Variants in NMT1 observed in about 807,000 individuals in gnomAD.
NMT1 encodes N-myristoyltransferase 1.
A neutral mutation model predicts 63.4 loss-of-function variants in NMT1; 12 were observed. The observed-to-expected ratio is 0.19, with a 90% CI of 0.12 to 0.31. The LOEUF is 0.31. Ranked by LOEUF, NMT1 falls within the 10% of genes least tolerant of loss-of-function variation. NMT1 has a pLI of 1.00. For missense variants in NMT1, 432 were observed against 634.6 expected (o/e 0.68, Z 3.43); for synonymous variants, 228 against 234.3 (o/e 0.97, Z 0.25).
intron 1 of NMT1, among the ~76,000 whole-genome samples, chr17:45,068,091 A>G (rs1034293854): frequency 6.6e-6 from 1 of 152,220 alleles, no homozygotes; most frequent in Non-Finnish European, 1.5e-5. Flanking sequence ...CCTCTCTTCC[A>G]ATTCCTCAAA....
chr17:45,096,228 A>C lies in NMT1; in HGVS notation c.539A>C (p.Tyr180Ser). 1.2e-6 allele frequency: 2 copies of C among 1,614,098 alleles called. No individual in the cohort carries two copies. Among genetic ancestry groups the C allele is most frequent in the Non-Finnish European group, 1.7e-6 (2 of 1,179,922 alleles). ...KELYTLLNENYVEDDDNMFRF... is the reference protein window; with the variant it reads ...KELYTLLNENSVEDDDNMFRF... ...CTGTACACCCTCCTGAATGAGAACT[A>C]TGTGGAAGATGATGACAACATGTTC... The change falls in exon 5 of 12, where the codon TAT becomes TCT. Residue 180 changes from tyrosine to serine, a missense_variant. Physicochemically the swap from Tyr to Ser is moderately radical, Grantham distance 144. This residue lies in a region of NMT1 where 295 missense variants were observed against 489.7 expected (regional missense o/e 0.60). Transcript: ENST00000258960.
rs1465762749 is a variant in NMT1 at position 45,104,496 on chromosome 17, G to C, written c.1333-363G>C. The C allele has an allele frequency of 3.6e-6, 4 of 1,110,226 alleles. No individual in the cohort carries two copies. In the East Asian group the frequency reaches 1.9e-4, roughly 52 times the overall value. The allele number at this position is 1,110,226 out of a possible 1,614,324, so 68.8% of individuals were successfully genotyped here. On this transcript the variant is annotated intron_variant, in intron 10 of 11. Transcript: ENST00000258960. The surrounding 1 kb of genome is among the most constrained non-coding windows in gnomAD (Gnocchi z 4.2). The stretch of plus-strand genomic sequence containing the variant: ...AGTAAGGAAGCAACACAAACCCCAT[G>C]TAGCTGACCAGAGCCAGCTTCTCAG...
chr17:45,084,234 T>G (rs2054036155), intron 2 of NMT1, among the ~76,000 whole-genome samples: 1 of 152,152 alleles, frequency 6.6e-6, no homozygotes, highest in Admixed American at 6.5e-5. Context: ...AGAAAAAATG[T>G]GTAATCAGTA....
intron 8 of NMT1, among the ~76,000 whole-genome samples, chr17:45,100,894 A>G (rs917165545): frequency 1.7e-5 from 2 of 118,114 alleles, no homozygotes; most frequent in South Asian, 2.7e-4. Flanking sequence ...AAAAAAAAAA[A>G]AAGAAGGCCA....
intron 1 of NMT1, among the ~76,000 whole-genome samples, chr17:45,069,083 C>T (rs1299795399): frequency 2.0e-5 from 3 of 151,766 alleles, no homozygotes; most frequent in Non-Finnish European, 4.4e-5. Flanking sequence ...GCGTCAGCCT[C>T]CTAAGTAGCT....
At chr17:45,094,486 C>T (rs538274978) in intron 4 of NMT1, among the ~76,000 whole-genome samples, 6 of 140,622 alleles carry the variant, frequency 4.3e-5, no homozygotes, top group Non-Finnish European at 7.7e-5. Flanking sequence ...GTGCGAGACT[C>T]TTTGTCTCAA....
chr17:45,099,606 A>T, intron 8 of NMT1, 93 bp downstream of exon 8: 1 of 876,922 alleles, frequency 1.1e-6, no homozygotes, highest in Non-Finnish European at 1.9e-6. Context: ...GTGGAGAGGG[A>T]GCTTTCTCCT....
At chr17:45,097,711 C>G (rs2054135255) in intron 6 of NMT1, among the ~76,000 whole-genome samples, 1 of 152,066 alleles carries the variant, frequency 6.6e-6, no homozygotes, top group Non-Finnish European at 1.5e-5. Flanking sequence ...GTGGTGCGAT[C>G]TTGGTTCACT....
At chr17:45,068,563 A>G (rs2053917817) in intron 1 of NMT1, among the ~76,000 whole-genome samples, 1 of 152,220 alleles carries the variant, frequency 6.6e-6, no homozygotes, top group African/African-American at 2.4e-5. Flanking sequence ...AAATGTTACT[A>G]TTATTACTAC....
chr17:45,105,789 G>C lies in NMT1; in HGVS notation c.*150G>C. 1.4e-6 allele frequency: 1 copy of C among 715,046 alleles called. No homozygotes were observed. Among genetic ancestry groups the C allele is most frequent in the Non-Finnish European group, 2.3e-6 (1 of 435,360 alleles). The allele number at this position is 715,046 out of a possible 1,614,324, so 44.3% of individuals were successfully genotyped here. A position where few individuals can be genotyped will look rare whatever the true frequency, so the allele number is the denominator to read the frequency against. On this transcript the variant is annotated 3_prime_UTR_variant, in exon 12 of 12. Coordinates refer to ENST00000258960, the MANE Select transcript of NMT1 (RefSeq NM_021079.5). This position sits in a 1 kb window ranked among gnomAD's most constrained non-coding sequence, Gnocchi z 4.2. ...GCTTTACCAAACCGCCAGCGAACTT[G>C]ACAATTGTATTGCGATGGCGTGGGC...
rs867558371 is a variant in NMT1 at position 45,080,286 on chromosome 17, G to A, written c.132-1358G>A. Among the ~76,000 whole-genome samples the A allele has an allele frequency of 5.3e-5, 8 of 151,226 alleles. No individual in the cohort carries two copies. The East Asian group carries it at 5.8e-4, about 11-fold the overall frequency. On this transcript the variant is annotated intron_variant, in intron 1 of 11. Transcript: ENST00000258960. ...AGCGATTCTCCTGCCTTAGCCTCCC[G>A]AGTAGCTGGGATTACAGGCATGCGC... is the stretch of plus-strand genomic sequence containing the variant.
chr17:45,105,967 ATATAT>A lies in NMT1; in HGVS notation c.*334_*338del, dbSNP rs1001942416. ...ACGGGTGAATAATAAAAGTATATAT[ATATAT>A]TATATATATATAAATATTTTAAATA... On this transcript the variant is annotated 3_prime_UTR_variant, in exon 12 of 12. Transcript: ENST00000258960. The surrounding 1 kb of genome is among the most constrained non-coding windows in gnomAD (Gnocchi z 4.2). The A allele has an allele frequency of 6.7e-6, 1 of 149,788 alleles. No homozygotes were observed. Among genetic ancestry groups the A allele is most frequent in the African/African-American group, 2.4e-5 (1 of 40,908 alleles). The allele number at this position is 149,788 out of a possible 1,614,324, so 9.3% of individuals were successfully genotyped here.
chr17:45,104,600 C>G lies in NMT1; in HGVS notation c.1333-259C>G. ...TTCAGGGAGGCATAACCAGGAATAG[C>G]AAGAGCCCCGGCCTGGACACTGAGT... On this transcript the variant is annotated intron_variant, in intron 10 of 11. Transcript: ENST00000258960. This position sits in a 1 kb window ranked among gnomAD's most constrained non-coding sequence, Gnocchi z 4.2. 7.9e-7 allele frequency: 1 copy of G among 1,263,308 alleles called. No individual in the cohort carries two copies. The highest frequency in any genetic ancestry group is 1.0e-6 in the Non-Finnish European group (1 of 999,536). The allele number at this position is 1,263,308 out of a possible 1,614,324, so 78.3% of individuals were successfully genotyped here. A position where few individuals can be genotyped will look rare whatever the true frequency, so the allele number is the denominator to read the frequency against.
chr17:45,088,751 C>G (rs1031256742), intron 3 of NMT1, among the ~76,000 whole-genome samples: 2 of 143,888 alleles, frequency 1.4e-5, no homozygotes, highest in Non-Finnish European at 3.1e-5. Flanking sequence ...AAGAATGCAT[C>G]TCAAAAATGA....
At chr17:45,089,918 G>T (rs150316109) in intron 3 of NMT1, among the ~76,000 whole-genome samples, 6,819 of 152,042 alleles carry the variant, frequency 0.045, 496 homozygotes, top group African/African-American at 0.15. Context: ...GATTATAGGC[G>T]TGAGCCACTG....
intron 1 of NMT1, among the ~76,000 whole-genome samples, chr17:45,064,769 G>A (rs915386622): frequency 6.6e-6 from 1 of 152,206 alleles, no homozygotes; most frequent in African/African-American, 2.4e-5. Context: ...GTTGCACTGA[G>A]CTGAGATCTC....
chr17:45,086,324 C>A (rs1046087656), intron 2 of NMT1, among the ~76,000 whole-genome samples, 184 bp from the exon 3 acceptor site: 1 of 151,994 alleles, frequency 6.6e-6, no homozygotes, highest in Non-Finnish European at 1.5e-5. Flanking sequence ...AGGGTTTCAC[C>A]ATGTTGGTCA....
chr17:45,094,697 A>G (rs1818350768), intron 4 of NMT1, among the ~76,000 whole-genome samples: 1 of 150,304 alleles, frequency 6.7e-6, no homozygotes, highest in African/African-American at 2.4e-5. Flanking sequence ...ATATTTTTAG[A>G]AAAGATGGTG....
At position 45,061,432 on chromosome 17, in the gene NMT1, A is replaced by G; in HGVS notation, c.103A>G (p.Asn35Asp). ...NGHEHCSDCE[N>D]EEDNSYNRGG... ...CCATGAGCACTGCAGCGATTGCGAG[A>G]ATGAGGAGGACAACAGCTACAACCG... The change falls in exon 1 of 12, where the codon AAT becomes GAT. Residue 35 changes from asparagine to aspartate, a missense_variant. By Grantham distance (23) the Asn-to-Asp change is conservative. Transcript: ENST00000258960. 2 of 1,613,756 alleles carry G rather than the reference A, an allele frequency of 1.2e-6. No individual in the cohort carries two copies. The highest frequency in any genetic ancestry group is 1.7e-6 in the Non-Finnish European group (2 of 1,179,922).
Sources: gnomAD v4.1 joint callset for allele counts (sites outside exome capture counted in the v4.1 genomes callset) on GRCh38, gnomAD v4.1.1 for gene constraint, gnomAD v4.1.1 regional missense constraint, Gnocchi (gnomAD v3.1) non-coding constraint, MANE v1.5 for transcripts, NCBI Gene and HGNC (gene_info 2026-07-23, HGNC 2026-07-21) for gene names.